The following MOGAT1 variants were observed in gnomAD, a reference collection of about 807,000 sequenced individuals.
The protein encoded by MOGAT1 is monoacylglycerol O-acyltransferase 1.
In MOGAT1, 32 loss-of-function variants were observed where a neutral mutation model predicts 31.4. That is an observed-to-expected ratio of 1.02 (90% CI 0.77 to 1.37). The LOEUF is 1.37. Ranked by LOEUF, MOGAT1 falls within the 40% of genes most tolerant of loss-of-function variation. The probability of loss-of-function intolerance (pLI) is 0.00; values close to 1 mark genes in which losing one functional copy is unlikely to be tolerated. For synonymous variants in MOGAT1, 145 were observed against 144.5 expected (o/e 1.00, Z -0.03); for missense variants, 426 against 402.0 (o/e 1.06, Z -0.51).
intron 1 of MOGAT1, among the ~76,000 whole-genome samples, chr2:222,673,884 GAATACTTGAGATATACACA>G (rs569988527): frequency 8.4e-4 from 128 of 152,246 alleles, no homozygotes; most frequent in Middle Eastern, 3.4e-3. Context: ...AGATATACAC[GAATACTTGAGATATACACA>G]AATACTTGAG....
intron 1 of MOGAT1, among the ~76,000 whole-genome samples, chr2:222,673,683 T>C (rs1692456554): frequency 6.6e-6 from 1 of 152,210 alleles, no homozygotes; most frequent in African/African-American, 2.4e-5. Context: ...CTCTCTTAAA[T>C]GGCCTGAACT....
At chr2:222,688,321 T>C in intron 1 of MOGAT1, 23 bp from the exon 2 acceptor site, 1 of 1,584,726 alleles carries the variant, frequency 6.3e-7, no homozygotes, top group Admixed American at 1.8e-5. Flanking sequence ...ACTGATTCCA[T>C]GAGACTTTTT....
intron 1 of MOGAT1, among the ~76,000 whole-genome samples, chr2:222,675,609 A>G (rs551767393): frequency 2.0e-5 from 3 of 150,616 alleles, no homozygotes; most frequent in Admixed American, 6.7e-5. Context: ...CCTCCTGAGT[A>G]TCTGGGACTA....
chr2:222,694,613 A>G, intron 4 of MOGAT1, 77 bp downstream of exon 4: 2 of 1,430,010 alleles, frequency 1.4e-6, no homozygotes, highest in Non-Finnish European at 1.9e-6. Context: ...AAGTAAGGTG[A>G]TTTTCTAGCC....
At chr2:222,681,638 C>T (rs1692582928) in intron 1 of MOGAT1, among the ~76,000 whole-genome samples, 1 of 152,106 alleles carries the variant, frequency 6.6e-6, no homozygotes, top group Non-Finnish European at 1.5e-5. Flanking sequence ...AGCCCTTCTC[C>T]TCTCCCTGAC....
intron 1 of MOGAT1, among the ~76,000 whole-genome samples, chr2:222,686,428 A>T (rs6739216): frequency 6.6e-6 from 1 of 152,148 alleles, no homozygotes; most frequent in Non-Finnish European, 1.5e-5. Flanking sequence ...ACTGTAGCTT[A>T]TCTGATCAAA....
intron 3 of MOGAT1, among the ~76,000 whole-genome samples, chr2:222,691,315 C>T (rs1311669857): frequency 6.6e-6 from 1 of 151,954 alleles, no homozygotes; most frequent in South Asian, 2.1e-4. Flanking sequence ...TCAAGTGATT[C>T]TCCTGCCTCA....
rs147393916 is a variant in MOGAT1, at chr2:222,689,406, T to TATCTTCAC, written c.416_423dup (p.Val142IlefsTer18). On this transcript the variant is annotated frameshift_variant, in exon 3 of 6. Coordinates refer to ENST00000446656, the MANE Select transcript of MOGAT1 (RefSeq NM_058165.3). LOFTEE classifies it high-confidence loss of function. ...GGACCTGTTTCCTGGCTTTACTTCA[T>TATCTTCAC]ATCTTCACGTGCTGCCACTTTGGTT... 1,970 of 1,614,056 alleles carry TATCTTCAC rather than the reference T, an allele frequency of 1.2e-3. 20 individuals are homozygous for TATCTTCAC. The East Asian group carries it at 0.028, about 23-fold the overall frequency.
At chr2:222,703,393 T>G (rs1692957173) in intron 5 of MOGAT1, among the ~76,000 whole-genome samples, 1 of 151,768 alleles carries the variant, frequency 6.6e-6, no homozygotes, top group South Asian at 2.1e-4. Flanking sequence ...AGGGTTTTTT[T>G]GTTTGTTTGT....
At chr2:222,699,251 C>G (rs973687451) in intron 5 of MOGAT1, 2 of 152,272 alleles carry the variant, frequency 1.3e-5, no homozygotes, top group African/African-American at 4.8e-5. Flanking sequence ...ATCTGCCTGC[C>G]TCAGCCTCCC....
chr2:222,690,329 T>TG (rs1692737836), intron 3 of MOGAT1, among the ~76,000 whole-genome samples: 1 of 151,986 alleles, frequency 6.6e-6, no homozygotes, highest in African/African-American at 2.4e-5. Context: ...GAGGCCGAGG[T>TG]GGGGTGAATC....
At chr2:222,687,979 T>C (rs1004304317) in intron 1 of MOGAT1, among the ~76,000 whole-genome samples, 1 of 152,218 alleles carries the variant, frequency 6.6e-6, no homozygotes, top group Non-Finnish European at 1.5e-5. Flanking sequence ...GGCAACTCAC[T>C]TAACCCTTCG....
At chr2:222,705,973 A>G (rs954551072) in intron 5 of MOGAT1, among the ~76,000 whole-genome samples, 2 of 152,134 alleles carry the variant, frequency 1.3e-5, no homozygotes, top group Non-Finnish European at 2.9e-5. Context: ...CTAAAATGCA[A>G]TTGAGAAAGA....
chr2:222,694,994 AT>A (rs746066132), intron 4 of MOGAT1, 94 bp from the exon 5 acceptor site: 22 of 962,358 alleles, frequency 2.3e-5, no homozygotes, highest in Non-Finnish European at 3.1e-5. Context: ...CATTTAAAAA[AT>A]TTTTCAGAAG....
intron 3 of MOGAT1, among the ~76,000 whole-genome samples, chr2:222,693,666 TTA>T (rs1692798233): frequency 6.6e-6 from 1 of 151,920 alleles, no homozygotes; most frequent in Admixed American, 6.6e-5. Flanking sequence ...AAACTCCTCT[TTA>T]TGAAACAATC....
At chr2:222,677,835 C>T in intron 1 of MOGAT1, 1 of 258,562 alleles carries the variant, frequency 3.9e-6, no homozygotes, top group Admixed American at 4.5e-5. Context: ...TCTGGGTATG[C>T]TGCCTTAAGT....
At chr2:222,688,109 C>G (rs1294971767) in intron 1 of MOGAT1, among the ~76,000 whole-genome samples, 1 of 152,162 alleles carries the variant, frequency 6.6e-6, no homozygotes, top group Non-Finnish European at 1.5e-5. Flanking sequence ...TGGTATGTGG[C>G]TATACGACGA....
intron 5 of MOGAT1, among the ~76,000 whole-genome samples, chr2:222,708,342 C>G (rs780216156): frequency 1.3e-5 from 2 of 152,180 alleles, no homozygotes; most frequent in South Asian, 2.1e-4. Flanking sequence ...CCTCAGCCTC[C>G]CAAAGTGTTG....
At chr2:222,673,682 A>G (rs889671100) in intron 1 of MOGAT1, among the ~76,000 whole-genome samples, 6 of 152,210 alleles carry the variant, frequency 3.9e-5, no homozygotes, top group Admixed American at 1.3e-4. Context: ...GCTCTCTTAA[A>G]TGGCCTGAAC....
Sources: allele counts gnomAD v4.1 joint callset (sites outside exome capture counted in the v4.1 genomes callset), GRCh38; gene constraint gnomAD v4.1.1; transcripts MANE v1.5; gene names NCBI Gene and HGNC (gene_info 2026-07-23, HGNC 2026-07-21).